Variants in LARGE1 observed in about 807,000 individuals in gnomAD.
LARGE1 encodes LARGE xylosyl- and glucuronyltransferase 1.
In LARGE1, 43 loss-of-function variants were observed where a neutral mutation model predicts 87.6. That is an observed-to-expected ratio of 0.49 (90% CI 0.38 to 0.63). The LOEUF (loss-of-function observed/expected upper bound fraction) is 0.63. LARGE1 is among the 30% of genes least tolerant of loss of function. The pLI, the probability that LARGE1 is intolerant of heterozygous loss-of-function variation, is 0.00. For synonymous variants in LARGE1, 434 were observed against 394.6 expected, an observed-to-expected ratio of 1.10 and a Z score of -1.18; for missense variants, 802 against 1,000.2, an observed-to-expected ratio of 0.80 and a Z score of 2.67.
chr22:33,690,566 G>C (rs2082070912), intron 2 of LARGE1, among the ~76,000 whole-genome samples: 4 of 151,764 alleles, frequency 2.6e-5, no homozygotes, highest in Admixed American at 2.6e-4. Flanking sequence ...TGGGGAAAAA[G>C]AGGGAGGGAA....
intron 1 of LARGE1, among the ~76,000 whole-genome samples, chr22:33,789,905 T>C (rs2085768966): frequency 1.3e-5 from 2 of 152,218 alleles, no homozygotes; most frequent in Admixed American, 6.5e-5. Flanking sequence ...GATGAGACTT[T>C]GGACTGTGGA....
At chr22:33,885,900 C>T (rs1273333541) in intron 1 of LARGE1, among the ~76,000 whole-genome samples, 2 of 152,048 alleles carry the variant, frequency 1.3e-5, no homozygotes, top group Non-Finnish European at 2.9e-5. Flanking sequence ...GGCGTGGTGG[C>T]GTTCCTATAA....
chr22:33,142,030 C>CAACAA, the LARGE1 span, among the ~76,000 whole-genome samples: 63,373 of 151,202 alleles, frequency 0.42, 13,662 homozygotes, highest in South Asian at 0.67. Context: ...GCTTACTTAA[C>CAACAA]AACAAAACAA....
intron 9 of LARGE1, among the ~76,000 whole-genome samples, chr22:33,341,938 G>T (rs140694450): frequency 6.6e-6 from 1 of 152,170 alleles, no homozygotes; most frequent in Non-Finnish European, 1.5e-5. Flanking sequence ...CCTTCCTGCC[G>T]CCATCAGTCA....
intron 1 of LARGE1, among the ~76,000 whole-genome samples, chr22:33,916,029 TC>T (rs1247452550): frequency 6.6e-6 from 1 of 152,132 alleles, no homozygotes; most frequent in African/African-American, 2.4e-5. Context: ...ACACCTGTAA[TC>T]CCAGCACTTT....
intron 4 of LARGE1, among the ~76,000 whole-genome samples, chr22:33,622,111 G>C (rs1347224936): frequency 6.6e-6 from 1 of 152,094 alleles, no homozygotes; most frequent in Admixed American, 6.5e-5. Flanking sequence ...TTAGGGAAAG[G>C]GTGCTGATAT....
chr22:33,805,449 C>T (rs971081815), intron 1 of LARGE1, among the ~76,000 whole-genome samples: 1 of 152,060 alleles, frequency 6.6e-6, no homozygotes, highest in African/African-American at 2.4e-5. Flanking sequence ...AAGACTCAAC[C>T]CTGGTCGGGC....
intron 9 of LARGE1, among the ~76,000 whole-genome samples, chr22:33,353,600 T>C (rs1254604876): frequency 6.6e-6 from 1 of 152,212 alleles, no homozygotes; most frequent in Non-Finnish European, 1.5e-5. Flanking sequence ...GAGTACTGTG[T>C]GTAGGCTTAC....
intron 9 of LARGE1, among the ~76,000 whole-genome samples, chr22:33,353,367 C>A (rs1006416993): frequency 1.3e-5 from 2 of 152,044 alleles, no homozygotes; most frequent in Non-Finnish European, 2.9e-5. Flanking sequence ...ACAATAAAGT[C>A]CAGTAAGGAG....
intron 11 of LARGE1, among the ~76,000 whole-genome samples, chr22:33,225,261 A>G (rs1925675317): frequency 6.6e-6 from 1 of 152,162 alleles, no homozygotes; most frequent in South Asian, 2.1e-4. Flanking sequence ...TGGGCCTGGG[A>G]GCAGGACACA....
At chr22:33,764,809 A>G (rs1332835721) in intron 1 of LARGE1, among the ~76,000 whole-genome samples, 1 of 152,208 alleles carries the variant, frequency 6.6e-6, no homozygotes. Context: ...ACCGAAGGCA[A>G]TGTGAATGCT....
At chr22:33,549,762 A>G (rs759357495) in intron 6 of LARGE1, among the ~76,000 whole-genome samples, 28 of 152,150 alleles carry the variant, frequency 1.8e-4, no homozygotes, top group Non-Finnish European at 4.0e-4. Flanking sequence ...ACTGAAAAAG[A>G]AGTTGTGGTG....
chr22:33,199,843 C>CT lies in LARGE1; in HGVS notation c.1731-33012dup, dbSNP rs3071494. Among the ~76,000 whole-genome samples the CT allele has an allele frequency of 4.8e-3, 709 of 146,734 alleles. 4 individuals are homozygous for CT. Among genetic ancestry groups the CT allele is most frequent in the Admixed American group, 8.0e-3 (117 of 14,648 alleles). ...AGTACGTGCCTGGTACGTGCAGACA[C>CT]TTTTTTTTTTTTTTCTTTTTTTTTG... is the stretch of plus-strand genomic sequence containing the variant. On this transcript the variant is annotated intron_variant, in intron 11 of 11. Transcript: ENST00000608642.
Position 33,912,107 on chromosome 22 carries a change from A to C in LARGE1, c.-83+7888T>G, listed in dbSNP as rs12160046. The stretch of plus-strand genomic sequence containing the variant: ...GCCTCTATGCCTCCCTTGGCTTCTG[A>C]AACAACCACAAAATGCCATTTCCAG... On this transcript the variant is annotated intron_variant, in intron 1 of 14. Coordinates refer to ENST00000397394, the MANE Select transcript of LARGE1 (RefSeq NM_133642.5). Among the ~76,000 whole-genome samples, 1,338 of 152,292 alleles carry C rather than the reference A, an allele frequency of 8.8e-3. 34 individuals are homozygous for C. Among genetic ancestry groups the C allele is most frequent in the African/African-American group, 0.031 (1,275 of 41,554 alleles).
intron 1 of LARGE1, among the ~76,000 whole-genome samples, chr22:33,883,478 C>G (rs907834470): frequency 6.6e-6 from 1 of 152,188 alleles, no homozygotes; most frequent in African/African-American, 2.4e-5. Flanking sequence ...GCCTTTGCTA[C>G]CTGGGGCCAA....
intron 11 of LARGE1, among the ~76,000 whole-genome samples, chr22:33,258,205 A>G (rs533196553): frequency 1.4e-4 from 21 of 151,990 alleles, no homozygotes; most frequent in African/African-American, 5.1e-4. Context: ...TAATTTTTGT[A>G]TTTTTTAGTA....
chr22:33,403,355 A>G (rs1469300097), intron 7 of LARGE1, among the ~76,000 whole-genome samples: 5 of 152,198 alleles, frequency 3.3e-5, no homozygotes, highest in African/African-American at 1.2e-4. Context: ...AGGGGCTAAA[A>G]AATTCCACTT....
chr22:33,857,950 CCGCTTCCAAAATGGCGGCCGGT>C (rs1170489423), intron 1 of LARGE1, among the ~76,000 whole-genome samples: 1 of 152,162 alleles, frequency 6.6e-6, no homozygotes, highest in Non-Finnish European at 1.5e-5. Flanking sequence ...TCGTGGCGGG[CCGCTTCCAAAATGGCGGCCGGT>C]CGCTTCCAAG....
rs1929419014 is a variant in LARGE1, at chr22:33,276,924, A to G, written c.2073+136T>C. On this transcript the variant is annotated intron_variant, in intron 14 of 14. Transcript: ENST00000397394. ...GTTTGGGATCAAGAGCCCAAGGATC[A>G]GTACTACCACTGGTCCTCAAGCATA... The G allele has an allele frequency of 1.6e-5, 14 of 857,792 alleles. No individual in the cohort carries two copies. In the South Asian group the frequency reaches 2.0e-4, roughly 12 times the overall value. The allele number at this position is 857,792 out of a possible 1,614,324, so 53.1% of individuals were successfully genotyped here. A position where few individuals can be genotyped will look rare whatever the true frequency, so the allele number is the denominator to read the frequency against.
Sources: gnomAD v4.1 joint callset for allele counts (sites outside exome capture counted in the v4.1 genomes callset) on GRCh38, gnomAD v4.1.1 for gene constraint, MANE v1.5 for transcripts, NCBI Gene and HGNC (gene_info 2026-07-23, HGNC 2026-07-21) for gene names.